The following GALR1 variants were observed in gnomAD, a reference collection of about 807,000 sequenced individuals.
The protein encoded by GALR1 is galanin receptor 1.
A neutral mutation model predicts 17.9 loss-of-function variants in GALR1; 11 were observed. The ratio of observed to expected loss-of-function variants is 0.62; its 90% confidence interval spans 0.39 to 1.02. The LOEUF (loss-of-function observed/expected upper bound fraction) is 1.02. GALR1 is among the 50% of genes least tolerant of loss of function. The pLI, the probability that GALR1 is intolerant of heterozygous loss-of-function variation, is 0.01. For missense variants in GALR1, 441 were observed against 456.9 expected (o/e 0.97, Z 0.32); for synonymous variants, 206 against 205.7 (o/e 1.00, Z -0.01).
rs1039343595 is a variant in GALR1 at position 77,253,019 on chromosome 18, C to T, written c.666+1805C>T. Reference sequence around the variant, plus strand: ...ACCACCACCACCACCACCACCACCACCACCATCACCACCATCACCACCACC... The same window carrying T: ...ACCACCACCACCACCACCACCACCATCACCATCACCACCATCACCACCACC... On this transcript the variant is annotated intron_variant, in intron 1 of 2. Transcript: ENST00000299727. 4.3e-3 allele frequency among the ~76,000 whole-genome samples: 398 copies of T among 93,522 alleles called. 1 individual carries two copies. Among genetic ancestry groups the T allele is most frequent in the Non-Finnish European group, 7.0e-3 (288 of 40,910 alleles). 61.4% of individuals were successfully genotyped at this position (93,522 alleles called of 152,430 possible).
In GALR1 at chr18:77,250,536, AGCCCCGCGG is replaced by A; in HGVS notation, c.-9_-1del. On this transcript the variant is annotated 5_prime_UTR_variant, in exon 1 of 3. Coordinates refer to ENST00000299727, the MANE Select transcript of GALR1 (RefSeq NM_001480.4). ...CGCGCGCCCCGCCGCTCGCCGGGAC[AGCCCCGCGG>A]GCCATGGAGCTGGCGGTCGGGAACC... 2.0e-6 allele frequency: 3 copies of A among 1,494,214 alleles called. No homozygotes were observed. Among genetic ancestry groups the A allele is most frequent in the Non-Finnish European group, 2.7e-6 (3 of 1,128,138 alleles). 92.6% of individuals were successfully genotyped at this position (1,494,214 alleles called of 1,614,324 possible). A position where few individuals can be genotyped will look rare whatever the true frequency, so the allele number is the denominator to read the frequency against.
At chr18:77,266,308 C>T (rs1244800717) in intron 2 of GALR1, among the ~76,000 whole-genome samples, 2 of 152,190 alleles carry the variant, frequency 1.3e-5, no homozygotes, top group African/African-American at 2.4e-5. Flanking sequence ...ATCACTATCA[C>T]CATTTTGGTC....
chr18:77,251,331 G>A (rs1912412067), intron 1 of GALR1, 117 bp downstream of exon 1: 11 of 1,427,630 alleles, frequency 7.7e-6, no homozygotes, highest in Admixed American at 2.6e-5. Context: ...GGCCCCGGTG[G>A]TCCCCACTCT....
chr18:77,266,363 C>T (rs1912944001), intron 2 of GALR1, among the ~76,000 whole-genome samples: 1 of 152,196 alleles, frequency 6.6e-6, no homozygotes, highest in Admixed American at 6.5e-5. Context: ...TTTCCCACAT[C>T]TTCCTGTCTT....
rs1048927638 is a variant in GALR1 at position 77,270,580 on chromosome 18, A to G, written c.*1678A>G. 2.6e-5 allele frequency: 4 copies of G among 151,538 alleles called. No individual in the cohort carries two copies. In the East Asian group the frequency reaches 7.7e-4, roughly 29 times the overall value. The allele number at this position is 151,538 out of a possible 1,614,324, so 9.4% of individuals were successfully genotyped here. On this transcript the variant is annotated 3_prime_UTR_variant, in exon 3 of 3. Coordinates refer to ENST00000299727, the MANE Select transcript of GALR1 (RefSeq NM_001480.4). ...TGTGTGTGTAATGTACCTCTGTGCC[A>G]AATCAGCACTCCACATGAAACATCA...
At chr18:77,256,863 T>C (rs188359396) in intron 2 of GALR1, among the ~76,000 whole-genome samples, 32 of 152,360 alleles carry the variant, frequency 2.1e-4, no homozygotes, top group African/African-American at 5.5e-4. Context: ...TTGATGGTCA[T>C]GATATTCTAC....
At chr18:77,258,791 G>GTGA (rs1207540919) in intron 2 of GALR1, among the ~76,000 whole-genome samples, 2 of 140,442 alleles carry the variant, frequency 1.4e-5, no homozygotes, top group Non-Finnish European at 1.5e-5. Context: ...GGTGGTGGTG[G>GTGA]TGGTGATGGT....
chr18:77,261,969 G>A (rs76029313), intron 2 of GALR1, among the ~76,000 whole-genome samples: 7,202 of 152,108 alleles, frequency 0.047, 243 homozygotes, highest in Admixed American at 0.093. Context: ...GACTACACGT[G>A]CACACTGCTG....
chr18:77,256,402 G>T (rs909100224), intron 2 of GALR1, among the ~76,000 whole-genome samples, 179 bp downstream of exon 2: 4 of 152,086 alleles, frequency 2.6e-5, no homozygotes, highest in Non-Finnish European at 5.9e-5. Context: ...GCCTTGGCAA[G>T]GGCACCGTGG....
At chr18:77,253,360 C>T (rs946107348) in intron 1 of GALR1, among the ~76,000 whole-genome samples, 6 of 152,114 alleles carry the variant, frequency 3.9e-5, no homozygotes, top group Non-Finnish European at 7.3e-5. Context: ...CTTCTGAGGA[C>T]GGGACAGTTG....
intron 1 of GALR1, 91 bp downstream of exon 1, chr18:77,251,305 G>A: frequency 6.7e-7 from 1 of 1,494,074 alleles, no homozygotes; most frequent in East Asian, 2.3e-5. Flanking sequence ...CCCTGCCGGA[G>A]CCTTGGCGGC....
chr18:77,269,294 A>T lies in GALR1; in HGVS notation c.*392A>T, dbSNP rs991418374. ...AAAGCCAATTTATTTAGAAAAAAAAATTTGAGCTTTAATTCTTTAATTTTA... is the reference window on the plus strand; with the variant it reads ...AAAGCCAATTTATTTAGAAAAAAAATTTTGAGCTTTAATTCTTTAATTTTA... On this transcript the variant is annotated 3_prime_UTR_variant, in exon 3 of 3. Transcript: ENST00000299727. 2 of 150,078 alleles carry T rather than the reference A, an allele frequency of 1.3e-5. No homozygotes were observed. The highest frequency in any genetic ancestry group is 5.0e-5 in the African/African-American group (2 of 39,686). 9.3% of individuals were successfully genotyped at this position (150,078 alleles called of 1,614,324 possible).
chr18:77,250,764 G>T lies in GALR1; in HGVS notation c.216G>T (p.Leu72=), dbSNP rs752996825. 1 of 1,613,982 alleles carries T rather than the reference G, an allele frequency of 6.2e-7. No individual in the cohort carries two copies. Among genetic ancestry groups the T allele is most frequent in the South Asian group, 1.1e-5 (1 of 91,092 alleles). Reference sequence around the variant, plus strand: ...GCAAGCCGCGGAGCACCACCAACCTGTTCATCCTCAACCTGAGCATCGCCG... The same window carrying T: ...GCAAGCCGCGGAGCACCACCAACCTTTTCATCCTCAACCTGAGCATCGCCG... ...KPGKPRSTTN[L]FILNLSIADL... Residue 72 remains leucine, a synonymous_variant, in exon 1 of 3, where the codon CTG becomes CTT. Coordinates refer to ENST00000299727, the MANE Select transcript of GALR1 (RefSeq NM_001480.4).
intron 2 of GALR1, among the ~76,000 whole-genome samples, chr18:77,265,509 G>A (rs1912926602): frequency 6.6e-6 from 1 of 152,186 alleles, no homozygotes; most frequent in Non-Finnish European, 1.5e-5. Flanking sequence ...GAGGATGGTG[G>A]CCCTCTTCTC....
rs1913089356 is a variant in GALR1, at chr18:77,272,924, T to C, written c.*4022T>C. Reference sequence around the variant, plus strand: ...GTTGAGCCTGAGGAAGAATTTAAAATGCTTAAGACATCTTTGATGGGGGCT... The same window carrying C: ...GTTGAGCCTGAGGAAGAATTTAAAACGCTTAAGACATCTTTGATGGGGGCT... On this transcript the variant is annotated 3_prime_UTR_variant, in exon 3 of 3. Transcript: ENST00000299727. 6.6e-6 allele frequency: 1 copy of C among 152,242 alleles called. No individual in the cohort carries two copies. The highest frequency in any genetic ancestry group is 6.5e-5 in the Admixed American group (1 of 15,282). The allele number at this position is 152,242 out of a possible 1,614,324, so 9.4% of individuals were successfully genotyped here.
intron 2 of GALR1, among the ~76,000 whole-genome samples, chr18:77,258,776 A>ATGGTGGTGGTGG (rs374737158): frequency 2.2e-5 from 2 of 92,746 alleles, no homozygotes; most frequent in Admixed American, 2.3e-4. Flanking sequence ...TGTGATAGTG[A>ATGGTGGTGGTGG]TGGTGGTGGT....
At chr18:77,260,245 C>T (rs980445390) in intron 2 of GALR1, among the ~76,000 whole-genome samples, 1 of 152,174 alleles carries the variant, frequency 6.6e-6, no homozygotes, top group Admixed American at 6.5e-5. Context: ...CATAGATGGC[C>T]CCTTCTCTCT....
intron 2 of GALR1, among the ~76,000 whole-genome samples, chr18:77,268,181 C>T (rs906809738): frequency 1.1e-4 from 17 of 152,256 alleles, no homozygotes; most frequent in African/African-American, 4.1e-4. Context: ...AAGTCCAGCG[C>T]TCCTCCGAGA....
chr18:77,252,935 C>CCACCACCACCATCACCACCACCAT (rs1912480704), intron 1 of GALR1, among the ~76,000 whole-genome samples: 1 of 45,730 alleles, frequency 2.2e-5, no homozygotes, highest in Non-Finnish European at 5.4e-5. Flanking sequence ...ACCACCACCA[C>CCACCACCACCATCACCACCACCAT]CACCACCACC....
Sources: allele counts gnomAD v4.1 joint callset (sites outside exome capture counted in the v4.1 genomes callset), GRCh38; gene constraint gnomAD v4.1.1; transcripts MANE v1.5; gene names NCBI Gene and HGNC (gene_info 2026-07-23, HGNC 2026-07-21).